Variants in RASGRF1 observed in about 807,000 individuals in gnomAD.
RASGRF1 encodes the protein ras-specific guanine nucleotide-releasing factor 1.
RASGRF1 carries 40 observed loss-of-function variants against 138.7 expected under a neutral mutation model. That is an observed-to-expected ratio of 0.29 (90% confidence interval 0.22 to 0.38). The LOEUF is 0.38. Ranked by LOEUF, RASGRF1 falls within the 10% of genes least tolerant of loss-of-function variation. RASGRF1 has a pLI of 1.00. For missense variants in RASGRF1, 1,108 were observed against 1,650.4 expected (o/e 0.67, Z 5.69); for synonymous variants, 614 against 663.2 (o/e 0.93, Z 1.14).
At chr15:78,984,876 T>C (rs997191845) in intron 23 of RASGRF1, 131 bp downstream of exon 23, 1 of 977,368 alleles carries the variant, frequency 1.0e-6, no homozygotes, top group Admixed American at 2.0e-5. Flanking sequence ...TATTCTGTTT[T>C]ACCTGGGAGT....
chr15:79,072,599 C>T (rs2057776997), intron 1 of RASGRF1, among the ~76,000 whole-genome samples: 1 of 152,132 alleles, frequency 6.6e-6, no homozygotes, highest in Non-Finnish European at 1.5e-5. Flanking sequence ...ATATCAATTT[C>T]TTCCATGGAA....
chr15:79,064,299 C>T, intron 2 of RASGRF1, 121 bp downstream of exon 2: 13 of 905,860 alleles, frequency 1.4e-5, no homozygotes, highest in Non-Finnish European at 2.2e-5. Flanking sequence ...AGATGCTTCT[C>T]CTCCTCCTTT....
chr15:78,996,979 C>CCTGGG (rs1382725387), intron 19 of RASGRF1, among the ~76,000 whole-genome samples: 16 of 152,318 alleles, frequency 1.1e-4, no homozygotes, highest in Non-Finnish European at 1.8e-4. Context: ...AGCCCTCACA[C>CCTGGG]CTGGGCTGGG....
At chr15:79,012,051 G>A (rs1377697175) in intron 13 of RASGRF1, among the ~76,000 whole-genome samples, 9 of 152,114 alleles carry the variant, frequency 5.9e-5, no homozygotes, top group Admixed American at 3.3e-4. Context: ...ATTAGATGCC[G>A]TAATGAAGCA....
intron 24 of RASGRF1, among the ~76,000 whole-genome samples, chr15:78,977,743 C>G (rs2141612408): frequency 6.6e-6 from 1 of 152,308 alleles, no homozygotes; most frequent in African/African-American, 2.4e-5. Context: ...CAGCCTGTCC[C>G]CCGTGTTCCT....
intron 3 of RASGRF1, among the ~76,000 whole-genome samples, chr15:79,054,068 C>T (rs544337207): frequency 3.3e-5 from 5 of 152,318 alleles, no homozygotes; most frequent in South Asian, 2.1e-4. Flanking sequence ...ACCCAGCTAG[C>T]GAAATTCTTG....
At chr15:79,060,460 G>A (rs986337237) in intron 2 of RASGRF1, among the ~76,000 whole-genome samples, 1 of 152,194 alleles carries the variant, frequency 6.6e-6, no homozygotes, top group Non-Finnish European at 1.5e-5. Context: ...CTCCTTTATT[G>A]AGGAGGAAGG....
intron 26 of RASGRF1, among the ~76,000 whole-genome samples, chr15:78,965,420 T>G (rs1463919882): frequency 6.6e-6 from 1 of 152,190 alleles, no homozygotes; most frequent in Non-Finnish European, 1.5e-5. Context: ...CACTCATTCA[T>G]GGAGACCAGA....
Position 78,975,515 on chromosome 15 carries a change from C to T in RASGRF1, c.3495-2095G>A, listed in dbSNP as rs28484868. On this transcript the variant is annotated intron_variant, in intron 24 of 26. Transcript: ENST00000558480. ...GTCTTCATTTCCTTCCTTTCTTTTT[C>T]TTTTTTTTTTTTTTGAGGCAGGGTC... Among the ~76,000 whole-genome samples the T allele has an allele frequency of 2.1e-5, 3 of 140,490 alleles. No individual in the cohort carries two copies. In the East Asian group the frequency reaches 6.1e-4, roughly 29 times the overall value. 92.2% of individuals were successfully genotyped at this position (140,490 alleles called of 152,430 possible).
rs779399664 is a variant in RASGRF1 at position 79,058,318 on chromosome 15, C to A, written c.531+16G>T. 1 of 1,610,450 alleles carries A rather than the reference C, an allele frequency of 6.2e-7. No homozygotes were observed. The highest frequency in any genetic ancestry group is 2.2e-5 in the East Asian group (1 of 44,846). Reference sequence around the variant, plus strand: ...TTGTGCCTAGGGCCTGGGCCCACCCCCCAGCCCGCAGTCACCTCTGCCTTC... The same window carrying A: ...TTGTGCCTAGGGCCTGGGCCCACCCACCAGCCCGCAGTCACCTCTGCCTTC... On this transcript the variant is annotated intron_variant, in intron 3 of 26. Coordinates refer to ENST00000558480, the MANE Select transcript of RASGRF1 (RefSeq NM_001145648.3).
intron 5 of RASGRF1, among the ~76,000 whole-genome samples, chr15:79,044,457 A>C (rs950640912): frequency 1.3e-5 from 2 of 152,144 alleles, no homozygotes; most frequent in East Asian, 3.8e-4. Context: ...CTCACTCTGT[A>C]TATGTGAACC....
At position 79,090,482 on chromosome 15, in the gene RASGRF1, C is replaced by G; in HGVS notation, c.17G>C (p.Arg6Pro). 1 of 1,612,524 alleles carries G rather than the reference C, an allele frequency of 6.2e-7. No homozygotes were observed. The highest frequency in any genetic ancestry group is 8.5e-7 in the Non-Finnish European group (1 of 1,179,932). MQKGIRLNDGHVASLG... is the reference protein window; with the variant it reads MQKGIPLNDGHVASLG... ...GGACGCGACGTGGCCATCATTCAGC[C>G]GGATCCCCTTCTGCATGGTGCTCAG... Residue 6 changes from arginine (R) to proline (P), a missense_variant, in exon 1 of 27, where the codon CGG becomes CCG. Transcript: ENST00000558480.
intron 1 of RASGRF1, among the ~76,000 whole-genome samples, chr15:79,078,162 TGC>T (rs1491191086): frequency 3.1e-5 from 4 of 128,464 alleles, no homozygotes; most frequent in Middle Eastern, 4.7e-3. Flanking sequence ...TGCATGCATG[TGC>T]GTATGTGTGC....
chr15:78,967,557 AAAAT>A (rs145518227), intron 26 of RASGRF1, among the ~76,000 whole-genome samples: 2,295 of 152,208 alleles, frequency 0.015, 46 homozygotes, highest in African/African-American at 0.053. Flanking sequence ...TCAAAAAACT[AAAAT>A]AAATAAATAA....
chr15:79,090,424 G>A lies in RASGRF1; in HGVS notation c.75C>T (p.Arg25=). Reference sequence around the variant, plus strand: ...AACTCCGCTTGCTCAGGTAGCCTTTGCGCGTGCCGTCCTTGCGCGCCAGCA... The same window carrying A: ...AACTCCGCTTGCTCAGGTAGCCTTTACGCGTGCCGTCCTTGCGCGCCAGCA... ...LGLLARKDGT[R]KGYLSKRSSD... is the part of the protein sequence containing the mutation. The change falls in exon 1 of 27, where the codon CGC becomes CGT. Residue 25 remains arginine (R), a synonymous_variant. Transcript: ENST00000558480. 2 of 1,613,394 alleles carry A rather than the reference G, an allele frequency of 1.2e-6. No homozygotes were observed. Among genetic ancestry groups the A allele is most frequent in the Non-Finnish European group, 1.7e-6 (2 of 1,179,992 alleles).
intron 1 of RASGRF1, among the ~76,000 whole-genome samples, chr15:79,079,197 A>G (rs992281500): frequency 1.3e-5 from 2 of 152,200 alleles, no homozygotes; most frequent in African/African-American, 4.8e-5. Context: ...TGGCTGTTAC[A>G]CTTGGCTGGT....
intron 1 of RASGRF1, among the ~76,000 whole-genome samples, chr15:79,083,418 C>T (rs1319246651): frequency 6.6e-6 from 1 of 152,232 alleles, no homozygotes; most frequent in African/African-American, 2.4e-5. Flanking sequence ...GGCACCGGCT[C>T]CATGCTCCCA....
intron 2 of RASGRF1, 90 bp from the exon 3 acceptor site, chr15:79,058,571 A>G: frequency 6.7e-7 from 1 of 1,491,402 alleles, no homozygotes; most frequent in Non-Finnish European, 9.1e-7. Context: ...GGGCTCACCC[A>G]CCCACCTGCA....
At chr15:79,018,915 GA>G (rs1233931899) in intron 11 of RASGRF1, among the ~76,000 whole-genome samples, 3 of 152,174 alleles carry the variant, frequency 2.0e-5, no homozygotes, top group Non-Finnish European at 4.4e-5. Flanking sequence ...TGGCCAAGAT[GA>G]AAGAAGGCTG....
Sources: allele counts gnomAD v4.1 joint callset (sites outside exome capture counted in the v4.1 genomes callset), GRCh38; gene constraint gnomAD v4.1.1; transcripts MANE v1.5; gene names NCBI Gene and HGNC (gene_info 2026-07-23, HGNC 2026-07-21).